ADGRV1: variants seen among roughly 807,000 people sequenced by gnomAD.
ADGRV1 encodes the protein G-protein coupled receptor 98.
ADGRV1 carries 359 observed loss-of-function variants against 596.2 expected under a neutral mutation model. The ratio of observed to expected loss-of-function variants is 0.60; its 90% CI spans 0.55 to 0.66. ADGRV1 has a LOEUF of 0.66. ADGRV1 is among the 30% of genes least tolerant of loss of function. The probability of loss-of-function intolerance (pLI) is 0.00; values close to 1 mark genes in which losing one functional copy is unlikely to be tolerated. For synonymous variants in ADGRV1, 2,681 were observed against 2,679.2 expected (o/e 1.00, Z -0.02); for missense variants, 7,274 against 7,575.6 (o/e 0.96, Z 1.48).
At chr5:91,008,094 T>A (rs1354363262) in intron 85 of ADGRV1, among the ~76,000 whole-genome samples, 1 of 152,218 alleles carries the variant, frequency 6.6e-6, no homozygotes, top group Non-Finnish European at 1.5e-5. Flanking sequence ...TTAGAAGATA[T>A]CTTACAGTCA....
At chr5:91,024,335 A>G (rs16869357) in intron 85 of ADGRV1, among the ~76,000 whole-genome samples, 1,572 of 152,280 alleles carry the variant, frequency 0.01, 27 homozygotes, top group African/African-American at 0.036. Flanking sequence ...AAACACAAGC[A>G]GCCTCTGTAT....
chr5:91,088,318 A>C (rs1790064551), intron 86 of ADGRV1, among the ~76,000 whole-genome samples: 1 of 152,174 alleles, frequency 6.6e-6, no homozygotes, highest in African/African-American at 2.4e-5. Flanking sequence ...GAGTATTTGC[A>C]AATAAATATT....
chr5:90,809,773 A>G (rs2150223718), intron 73 of ADGRV1, among the ~76,000 whole-genome samples: 1 of 152,358 alleles, frequency 6.6e-6, no homozygotes, highest in African/African-American at 2.4e-5. Context: ...AGTTTTAGCC[A>G]CATTTGCATG....
At chr5:90,886,580 A>G (rs1770309791) in intron 83 of ADGRV1, among the ~76,000 whole-genome samples, 1 of 152,188 alleles carries the variant, frequency 6.6e-6, no homozygotes, top group Non-Finnish European at 1.5e-5. Flanking sequence ...ATTTTTGTAT[A>G]CTTCGTGACT....
chr5:90,697,527 G>T (rs552416120), intron 34 of ADGRV1, among the ~76,000 whole-genome samples: 2 of 150,792 alleles, frequency 1.3e-5, no homozygotes, highest in Admixed American at 6.6e-5. Flanking sequence ...TATGCCCAAG[G>T]GTAGCTGTTG....
chr5:90,947,778 A>G lies in ADGRV1; in HGVS notation c.17857-17637A>G, dbSNP rs1028151292. ...CCAGGCACAGAGAATAATTTTTCAG[A>G]GTGAAACGAGAATCCACATGTCCTA... On this transcript the variant is annotated intron_variant, in intron 83 of 89. Coordinates refer to ENST00000405460, the MANE Select transcript of ADGRV1 (RefSeq NM_032119.4). Among the ~76,000 whole-genome samples, 3 of 152,170 alleles carry G rather than the reference A, an allele frequency of 2.0e-5. No homozygotes were observed. In the East Asian group the frequency reaches 5.8e-4, roughly 29 times the overall value.
rs1796709303 is a variant in ADGRV1 at position 91,158,898 on chromosome 5, TGGA to T, written c.18803-4883_18803-4881del. On this transcript the variant is annotated intron_variant, in intron 89 of 89. Coordinates refer to ENST00000405460, the MANE Select transcript of ADGRV1 (RefSeq NM_032119.4). ...ATGGATGGATGGATGGATGGATGGA[TGGA>T]TAGATGCATGGGATTCAGGAAGAGT... Among the ~76,000 whole-genome samples, 3 of 151,342 alleles carry T rather than the reference TGGA, an allele frequency of 2.0e-5. No homozygotes were observed. The East Asian group carries it at 5.8e-4, about 29-fold the overall frequency.
intron 77 of ADGRV1, among the ~76,000 whole-genome samples, chr5:90,831,509 A>G (rs555596754): frequency 7.9e-5 from 12 of 152,138 alleles, no homozygotes; most frequent in Admixed American, 1.3e-4. Flanking sequence ...TAATAATCAC[A>G]TCAGGATAAA....
intron 21 of ADGRV1, among the ~76,000 whole-genome samples, chr5:90,666,274 C>G (rs1221571390): frequency 1.3e-5 from 2 of 152,078 alleles, no homozygotes; most frequent in African/African-American, 4.8e-5. Context: ...TCATTCAGGA[C>G]TTGCTTTTTG....
intron 85 of ADGRV1, among the ~76,000 whole-genome samples, chr5:91,062,640 G>A (rs1198792863): frequency 6.6e-6 from 1 of 152,114 alleles, no homozygotes; most frequent in Non-Finnish European, 1.5e-5. Context: ...CAGATCTGCG[G>A]TATCCTCTGT....
chr5:90,866,315 A>ATGTGTGTGTGTGTGTGTGTGTG (rs149341618), intron 83 of ADGRV1, among the ~76,000 whole-genome samples: 210 of 138,322 alleles, frequency 1.5e-3, no homozygotes, highest in Middle Eastern at 7.2e-3. Context: ...GTATGTGTAT[A>ATGTGTGTGTGTGTGTGTGTGTG]TGTGTGTGTG....
chr5:90,679,441 G>GA lies in ADGRV1; in HGVS notation c.5444-106dup, dbSNP rs1254650106. The GA allele has an allele frequency of 5.2e-5, 34 of 647,720 alleles. No homozygotes were observed. In the African/African-American group the frequency reaches 5.8e-4, roughly 11 times the overall value. 40.1% of individuals were successfully genotyped at this position (647,720 alleles called of 1,614,324 possible). A position where few individuals can be genotyped will look rare whatever the true frequency, so the allele number is the denominator to read the frequency against. On this transcript the variant is annotated intron_variant, in intron 25 of 89. Coordinates refer to ENST00000405460, the MANE Select transcript of ADGRV1 (RefSeq NM_032119.4). ...TATGGAAGAATGCATGTTATTGGGT[G>GA]AATATTACTGCATTTTCCTCTTTGC... is the stretch of plus-strand genomic sequence containing the variant.
Position 90,598,439 on chromosome 5 carries a change from G to T in ADGRV1, c.23-16396G>T, listed in dbSNP as rs1442488057. ...CTGCTTAGGGACCCTGTGGGCTAAA[G>T]ATAGCACTAAAGAAATGGCATAGGC... On this transcript the variant is annotated intron_variant, in intron 1 of 89. Coordinates refer to ENST00000405460, the MANE Select transcript of ADGRV1 (RefSeq NM_032119.4). Among the ~76,000 whole-genome samples, 8 of 152,218 alleles carry T rather than the reference G, an allele frequency of 5.3e-5. No individual in the cohort carries two copies. In the East Asian group the frequency reaches 1.2e-3, roughly 22 times the overall value.
At chr5:90,976,298 A>ATGTG (rs752233519) in intron 84 of ADGRV1, among the ~76,000 whole-genome samples, 4,751 of 118,668 alleles carry the variant, frequency 0.04, 111 homozygotes, top group Non-Finnish European at 0.045. Flanking sequence ...GTGTGTGTAT[A>ATGTG]TGTGTGTGTG....
intron 55 of ADGRV1, among the ~76,000 whole-genome samples, chr5:90,755,515 G>A (rs1158530): frequency 0.52 from 79,173 of 151,790 alleles, 21,464 homozygotes; most frequent in African/African-American, 0.67. Flanking sequence ...ATGACAACAA[G>A]TGAAATGCCC....
At chr5:90,950,306 A>G (rs1047225713) in intron 83 of ADGRV1, among the ~76,000 whole-genome samples, 5 of 152,076 alleles carry the variant, frequency 3.3e-5, no homozygotes, top group South Asian at 2.1e-4. Flanking sequence ...GTAAGGATGG[A>G]CATATTTAAG....
At position 90,759,422 on chromosome 5, in the gene ADGRV1, T is replaced by C. The variant is rs78833918; in HGVS notation, c.11954T>C (p.Ile3985Thr). ...EFADKQVTAM[I>T]EITIIDDAEF... is the part of the protein sequence containing the mutation. ...TTTCTTTCATAGGTTACTGCAATGA[T>C]AGAAATCACCATAATTGATGATGCT... Residue 3985 changes from isoleucine (I) to threonine (T), a missense_variant, in exon 58 of 90, where the codon ATA (isoleucine) becomes ACA (threonine). Around this residue, in one of 5 missense-constraint regions of ADGRV1, gnomAD observed 3,643 missense variants for 3,809.2 expected, o/e 0.96. Coordinates refer to ENST00000405460, the MANE Select transcript of ADGRV1 (RefSeq NM_032119.4). 2.0e-4 allele frequency: 309 copies of C among 1,559,978 alleles called. 3 individuals carry two copies. In the East Asian group the frequency reaches 7.2e-3, roughly 36 times the overall value.
intron 85 of ADGRV1, among the ~76,000 whole-genome samples, chr5:91,030,814 T>A (rs1335972755): frequency 1.3e-5 from 2 of 152,174 alleles, no homozygotes; most frequent in Non-Finnish European, 2.9e-5. Flanking sequence ...TCTCAGGCTT[T>A]ACCTAAAAAT....
chr5:90,754,883 G>T, intron 54 of ADGRV1, 100 bp from the exon 55 acceptor site: 1 of 790,136 alleles, frequency 1.3e-6, no homozygotes. Context: ...TTCCTTAACT[G>T]TCTACAAGGG....
Sources: allele counts gnomAD v4.1 joint callset (sites outside exome capture counted in the v4.1 genomes callset), GRCh38; gene constraint gnomAD v4.1.1; regional missense constraint gnomAD v4.1.1; transcripts MANE v1.5; gene names NCBI Gene and HGNC (gene_info 2026-07-23, HGNC 2026-07-21).